Variants in ITGB3 observed in about 807,000 individuals in gnomAD.
ITGB3 encodes the protein integrin beta-3.
ITGB3 carries 48 observed loss-of-function variants against 85.8 expected under a neutral mutation model. The ratio of observed to expected loss-of-function variants is 0.56; its 90% CI spans 0.44 to 0.71. The LOEUF is 0.71. ITGB3 is among the 30% of genes least tolerant of loss of function. The pLI, the probability that ITGB3 is intolerant of heterozygous loss-of-function variation, is 0.00. For synonymous variants in ITGB3, 363 were observed against 395.6 expected, an observed-to-expected ratio of 0.92 and a Z score of 0.98; for missense variants, 861 against 1,019.1, an observed-to-expected ratio of 0.84 and a Z score of 2.11.
intron 5 of ITGB3, 105 bp downstream of exon 5, chr17:47,286,527 T>G: frequency 3.0e-6 from 4 of 1,322,202 alleles, no homozygotes; most frequent in Non-Finnish European, 4.3e-6. Context: ...AGATGAGAAC[T>G]AAGCAGGGCT....
At chr17:47,255,961 C>T (rs879513935) in intron 1 of ITGB3, among the ~76,000 whole-genome samples, 44 of 135,302 alleles carry the variant, frequency 3.3e-4, no homozygotes, top group Non-Finnish European at 5.9e-4. Context: ...ACCAGGGCAA[C>T]TCAGTAAAAA....
chr17:47,299,423 C>T lies in ITGB3; in HGVS notation c.1806C>T (p.Ser602=), dbSNP rs757664047. ...TCMSSNGLLC[S]GRGKCECGSC... ...TGTCCAGCAATGGGCTGCTGTGCAG[C>T]GGCCGCGGCAAGTGTGAATGTGGCA... Residue 602 remains serine, a synonymous_variant, in exon 11 of 15, where the codon AGC becomes AGT. Coordinates refer to ENST00000559488, the MANE Select transcript of ITGB3 (RefSeq NM_000212.3). The surrounding 1 kb of genome is among the most constrained non-coding windows in gnomAD (Gnocchi z 5.1). 12 of 1,614,252 alleles carry T rather than the reference C, an allele frequency of 7.4e-6. No individual in the cohort carries two copies. The highest frequency in any genetic ancestry group is 3.3e-5 in the Admixed American group (2 of 60,022).
chr17:47,291,359 T>A lies in ITGB3; in HGVS notation c.1260+271T>A, dbSNP rs149701900. ...CAATTTGGTTACCTTTGTTTGTGTA[T>A]GCACAGTTGATTGCAAAGGAAAATA... On this transcript the variant is annotated intron_variant, in intron 9 of 14. Coordinates refer to ENST00000559488, the MANE Select transcript of ITGB3 (RefSeq NM_000212.3). 5.1e-6 allele frequency: 3 copies of A among 591,056 alleles called. No homozygotes were observed. The African/African-American group carries it at 5.6e-5, about 11-fold the overall frequency. The allele number at this position is 591,056 out of a possible 1,614,324, so 36.6% of individuals were successfully genotyped here. A position where few individuals can be genotyped will look rare whatever the true frequency, so the allele number is the denominator to read the frequency against.
At chr17:47,293,548 CAGAG>C (rs1249780504) in intron 10 of ITGB3, among the ~76,000 whole-genome samples, 1 of 151,742 alleles carries the variant, frequency 6.6e-6, no homozygotes, top group African/African-American at 2.4e-5. Context: ...TGTGGCCAAA[CAGAG>C]AGATTATAAT....
intron 10 of ITGB3, among the ~76,000 whole-genome samples, chr17:47,293,615 C>CT (rs200767914): frequency 0.028 from 4,053 of 144,844 alleles, 142 homozygotes; most frequent in East Asian, 0.19. Context: ...CATTGGGGTT[C>CT]TTTTTTTTTT....
At chr17:47,274,140 G>A (rs1442422611) in intron 1 of ITGB3, among the ~76,000 whole-genome samples, 3 of 152,218 alleles carry the variant, frequency 2.0e-5, no homozygotes, top group Non-Finnish European at 2.9e-5. Flanking sequence ...CATCAGTTAC[G>A]ATCTGAGACT....
chr17:47,255,247 G>A lies in ITGB3; in HGVS notation c.79+1307G>A, dbSNP rs145873808. ...GCCCACCTCAGCCTCCCAAAGTGCT[G>A]GGAATACAGGCGTGAGCCACCGCAC... is the stretch of plus-strand genomic sequence containing the variant. On this transcript the variant is annotated intron_variant, in intron 1 of 14. Transcript: ENST00000559488. Among the ~76,000 whole-genome samples, 872 of 152,196 alleles carry A rather than the reference G, an allele frequency of 5.7e-3. 15 individuals carry two copies. The highest frequency in any genetic ancestry group is 5.6e-3 in the South Asian group (27 of 4,826).
At chr17:47,265,339 A>T (rs114596036) in intron 1 of ITGB3, among the ~76,000 whole-genome samples, 25 of 152,322 alleles carry the variant, frequency 1.6e-4, no homozygotes, top group African/African-American at 5.5e-4. Context: ...GGCATAAAAC[A>T]ACAGAAATTT....
intron 12 of ITGB3, among the ~76,000 whole-genome samples, chr17:47,301,517 T>A (rs1284364894): frequency 6.6e-6 from 1 of 152,156 alleles, no homozygotes; most frequent in East Asian, 1.9e-4. Flanking sequence ...GAGATTAGGC[T>A]TGCTATGATT....
intron 1 of ITGB3, among the ~76,000 whole-genome samples, chr17:47,273,591 T>C (rs977461845): frequency 2.0e-5 from 3 of 152,226 alleles, no homozygotes; most frequent in African/African-American, 7.2e-5. Context: ...TGAGGACTGT[T>C]CACATTTGAA....
At chr17:47,302,865 G>A in intron 13 of ITGB3, 25 bp downstream of exon 13, 6 of 1,613,916 alleles carry the variant, frequency 3.7e-6, no homozygotes, top group Non-Finnish European at 5.1e-6. Flanking sequence ...ACGGCTCCCG[G>A]CCCTGCCCCA....
In ITGB3 at chr17:47,310,576, T is replaced by C. The variant is rs765039169; in HGVS notation, c.*372T>C. ...GAAGCCAGCTTTCCTCATCAGGCCA[T>C]TGTCCCTGAAGAGAAGGGCAGGGCT... On this transcript the variant is annotated 3_prime_UTR_variant, in exon 15 of 15. Transcript: ENST00000559488. 2 of 361,008 alleles carry C rather than the reference T, an allele frequency of 5.5e-6. No individual in the cohort carries two copies. The highest frequency in any genetic ancestry group is 1.1e-5 in the Non-Finnish European group (2 of 185,138). 22.4% of individuals were successfully genotyped at this position (361,008 alleles called of 1,614,324 possible).
At chr17:47,305,896 T>G (rs1323834383) in intron 13 of ITGB3, among the ~76,000 whole-genome samples, 1 of 152,236 alleles carries the variant, frequency 6.6e-6, no homozygotes, top group African/African-American at 2.4e-5. Flanking sequence ...TGCCAGGCAT[T>G]GTTCTGAGTT....
chr17:47,255,715 C>T (rs2064987068), intron 1 of ITGB3, among the ~76,000 whole-genome samples: 2 of 152,174 alleles, frequency 1.3e-5, no homozygotes, highest in Admixed American at 6.5e-5. Context: ...CCACCGCACC[C>T]GGCCAAGGGT....
At chr17:47,309,911 A>AG (rs1380838915) in intron 14 of ITGB3, among the ~76,000 whole-genome samples, 2 of 151,718 alleles carry the variant, frequency 1.3e-5, no homozygotes, top group Non-Finnish European at 2.9e-5. Flanking sequence ...AAAAAAAAAA[A>AG]AAAGAAACGG....
At chr17:47,296,138 G>A (rs558259367) in intron 10 of ITGB3, among the ~76,000 whole-genome samples, 1 of 152,336 alleles carries the variant, frequency 6.6e-6, no homozygotes, top group Admixed American at 6.5e-5. Flanking sequence ...AGGGAACCTA[G>A]CCTCGGGACA....
At chr17:47,302,699 C>T (rs2065171833) in intron 12 of ITGB3, 22 bp from the exon 13 acceptor site, 1 of 1,613,858 alleles carries the variant, frequency 6.2e-7, no homozygotes, top group East Asian at 2.2e-5. Context: ...ACTTTTTATT[C>T]CTCCATTTTC....
Position 47,299,878 on chromosome 17 carries a change from G to A in ITGB3, c.1913+348G>A, listed in dbSNP as rs1196788746. Among the ~76,000 whole-genome samples the A allele has an allele frequency of 6.6e-6, 1 of 152,130 alleles. No individual in the cohort carries two copies. The highest frequency in any genetic ancestry group is 6.5e-5 in the Admixed American group (1 of 15,276). On this transcript the variant is annotated intron_variant, in intron 11 of 14. Coordinates refer to ENST00000559488, the MANE Select transcript of ITGB3 (RefSeq NM_000212.3). The surrounding 1 kb of genome is among the most constrained non-coding windows in gnomAD (Gnocchi z 5.1). ...GAGATGTGAGGGCTGGAATTATGGA[G>A]GACACTCTGTGAAACTACTACAAAC... is the stretch of plus-strand genomic sequence containing the variant.
Position 47,300,466 on chromosome 17 carries a change from T to C in ITGB3, c.1914-12T>C. The C allele has an allele frequency of 1.2e-6, 2 of 1,604,790 alleles. No homozygotes were observed. The highest frequency in any genetic ancestry group is 1.7e-6 in the Non-Finnish European group (2 of 1,171,530). ...CTTCTTTGCCTTAATCACTGTGTCC[T>C]CTCTCCTTCAGAGAATGTGTGGAGT... On this transcript the variant is annotated splice_polypyrimidine_tract_variant and intron_variant, in intron 11 of 14. Coordinates refer to ENST00000559488, the MANE Select transcript of ITGB3 (RefSeq NM_000212.3).
Sources: gnomAD v4.1 joint callset for allele counts (sites outside exome capture counted in the v4.1 genomes callset) on GRCh38, gnomAD v4.1.1 for gene constraint, Gnocchi (gnomAD v3.1) non-coding constraint, MANE v1.5 for transcripts, NCBI Gene and HGNC (gene_info 2026-07-23, HGNC 2026-07-21) for gene names.